COA1: variants seen among roughly 807,000 people sequenced by gnomAD.
The protein encoded by COA1 is cytochrome c oxidase assembly factor 1.
In COA1, 13 loss-of-function variants were observed where a neutral mutation model predicts 16.0. That is an observed-to-expected ratio of 0.81 (90% CI 0.53 to 1.29). COA1 has a LOEUF of 1.29. COA1 is among the 50% of genes most tolerant of loss of function. COA1 has a pLI of 0.00. For synonymous variants in COA1, 65 were observed against 65.7 expected (o/e 0.99, Z 0.05); for missense variants, 179 against 177.0 (o/e 1.01, Z -0.06).
intron 6 of COA1, among the ~76,000 whole-genome samples, chr7:43,627,159 G>A (rs986239428): frequency 5.3e-5 from 8 of 152,154 alleles, no homozygotes; most frequent in Non-Finnish European, 7.3e-5. Context: ...GTGGTGAAAC[G>A]TTGTTTATGA....
intron 6 of COA1, among the ~76,000 whole-genome samples, chr7:43,618,168 G>C (rs889621150): frequency 6.6e-6 from 1 of 152,190 alleles, no homozygotes; most frequent in Admixed American, 6.5e-5. Context: ...GAACAATAGA[G>C]TAAGCATGCT....
intron 1 of COA1, among the ~76,000 whole-genome samples, chr7:43,700,591 CGTGTGTGTGTGTGT>C (rs58589217): frequency 2.8e-5 from 4 of 144,868 alleles, no homozygotes; most frequent in Admixed American, 1.4e-4. Context: ...TGTATATATA[CGTGTGTGTGTGTGT>C]GTGTGTGTGT....
intron 6 of COA1, among the ~76,000 whole-genome samples, chr7:43,615,290 C>T (rs1198392612): frequency 1.3e-5 from 2 of 152,128 alleles, no homozygotes; most frequent in Non-Finnish European, 2.9e-5. Context: ...ATCCTCCCAC[C>T]TCGGCCTCCC....
At chr7:43,712,138 A>G (rs1404782828) in intron 1 of COA1, among the ~76,000 whole-genome samples, 1 of 151,386 alleles carries the variant, frequency 6.6e-6, no homozygotes, top group Non-Finnish European at 1.5e-5. Flanking sequence ...TTTGAGACAG[A>G]GTCTCACTCT....
chr7:43,685,926 A>G (rs1388624522), intron 1 of COA1, among the ~76,000 whole-genome samples: 1 of 152,204 alleles, frequency 6.6e-6, no homozygotes, highest in African/African-American at 2.4e-5. Flanking sequence ...ATAAATCACT[A>G]TCTTTAACAA....
intron 1 of COA1, among the ~76,000 whole-genome samples, chr7:43,667,601 C>T (rs541889915): frequency 4.6e-5 from 7 of 152,146 alleles, no homozygotes; most frequent in South Asian, 4.1e-4. Flanking sequence ...TCTCAAAAGA[C>T]GGTTTATAAT....
intron 1 of COA1, among the ~76,000 whole-genome samples, chr7:43,674,974 T>C (rs1261329822): frequency 2.6e-5 from 4 of 152,220 alleles, no homozygotes; most frequent in Non-Finnish European, 5.9e-5. Flanking sequence ...ATATTACACT[T>C]TGTGTTTTTC....
At chr7:43,679,495 T>C (rs1399775220) in intron 1 of COA1, among the ~76,000 whole-genome samples, 1 of 152,084 alleles carries the variant, frequency 6.6e-6, no homozygotes, top group Non-Finnish European at 1.5e-5. Flanking sequence ...TAATCTGAGA[T>C]TCTCCTCACA....
At chr7:43,661,651 G>C (rs73108653) in intron 1 of COA1, among the ~76,000 whole-genome samples, 33 of 124,044 alleles carry the variant, frequency 2.7e-4, no homozygotes, top group Non-Finnish European at 3.0e-4. Context: ...AAAAAAAAAA[G>C]AGACATTTCC....
downstream of COA1, among the ~76,000 whole-genome samples, chr7:43,635,043 CTT>C (rs201459335): frequency 6.8e-3 from 1,031 of 152,282 alleles, 10 homozygotes; most frequent in African/African-American, 0.023. Flanking sequence ...TGTGTCTACT[CTT>C]TCTTGTTTCT....
intron 6 of COA1, chr7:43,625,031 A>AT (rs2084349399): frequency 2.0e-6 from 1 of 489,548 alleles, no homozygotes; most frequent in South Asian, 3.4e-5. Flanking sequence ...CAGGAGATTT[A>AT]ACAGGTACAG....
At chr7:43,637,998 A>C (rs1049879947), downstream of COA1, among the ~76,000 whole-genome samples, 1 of 152,244 alleles carries the variant, frequency 6.6e-6, no homozygotes, top group Non-Finnish European at 1.5e-5. Context: ...TGTGTAACTT[A>C]AAGAGCAAAA....
chr7:43,640,899 TG>T (rs2086879290), intron 4 of COA1: 3 of 404,636 alleles, frequency 7.4e-6, no homozygotes, highest in Non-Finnish European at 1.3e-5. Context: ...GTCAATGCTC[TG>T]GGTACTTCCA....
At chr7:43,688,829 T>C (rs2094151095) in intron 1 of COA1, among the ~76,000 whole-genome samples, 1 of 152,246 alleles carries the variant, frequency 6.6e-6, no homozygotes, top group South Asian at 2.1e-4. Context: ...GTCCTTTCAA[T>C]AATACTTTCT....
chr7:43,720,892 C>T (rs2095493744), intron 1 of COA1, among the ~76,000 whole-genome samples: 1 of 152,244 alleles, frequency 6.6e-6, no homozygotes, highest in Admixed American at 6.5e-5. Context: ...CATCATTTCT[C>T]ACTGAACATC....
chr7:43,729,173 T>C (rs17654257), intron 1 of COA1, among the ~76,000 whole-genome samples: 22,382 of 152,228 alleles, frequency 0.15, 2,196 homozygotes, highest in Non-Finnish European at 0.22. Flanking sequence ...CAGCAAAAAC[T>C]GCAGGACAAG....
chr7:43,702,105 T>C (rs2094769824), intron 1 of COA1, among the ~76,000 whole-genome samples: 1 of 152,136 alleles, frequency 6.6e-6, no homozygotes, highest in South Asian at 2.1e-4. Context: ...TATTTTTGTT[T>C]TGTTGCAATT....
chr7:43,691,193 G>C (rs1453546708), intron 1 of COA1, among the ~76,000 whole-genome samples: 1 of 149,022 alleles, frequency 6.7e-6, no homozygotes, highest in African/African-American at 2.5e-5. Context: ...GGGCTGCAGT[G>C]AGCGATAATC....
At chr7:43,661,857 A>G (rs1584618604) in intron 1 of COA1, among the ~76,000 whole-genome samples, 1 of 152,202 alleles carries the variant, frequency 6.6e-6, no homozygotes, top group East Asian at 1.9e-4. Flanking sequence ...CACCAAATAA[A>G]TAAGACTTTG....
Sources: allele counts gnomAD v4.1 joint callset (sites outside exome capture counted in the v4.1 genomes callset), GRCh38; gene constraint gnomAD v4.1.1; transcripts MANE v1.5; gene names NCBI Gene and HGNC (gene_info 2026-07-23, HGNC 2026-07-21).